FOXO1: variants seen among roughly 807,000 people sequenced by gnomAD.
FOXO1 encodes forkhead box protein O1.
Under a neutral mutation model 44.1 loss-of-function variants are expected in FOXO1, and 6 were observed. The ratio of observed to expected loss-of-function variants is 0.14; its 90% CI spans 0.07 to 0.27. The LOEUF (loss-of-function observed/expected upper bound fraction) is 0.27. Among genes scored for constraint, FOXO1 ranks in the 10% least tolerant of loss-of-function variants. The pLI, the probability that FOXO1 is intolerant of heterozygous loss-of-function variation, is 1.00. For missense variants in FOXO1, 737 were observed against 888.8 expected, an observed-to-expected ratio of 0.83 and a Z score of 2.17; for synonymous variants, 380 against 362.7, an observed-to-expected ratio of 1.05 and a Z score of -0.54.
rs1359442930 is a variant in FOXO1 at position 40,558,562 on chromosome 13, C to G, written c.*487G>C. On this transcript the variant is annotated 3_prime_UTR_variant, in exon 3 of 3. Transcript: ENST00000379561. ...TTCAGTTCTTTGTGATCCGTCAGTT[C>G]CGCAGAAAACAGGTAGTACAAACAA... 1.4e-5 allele frequency: 4 copies of G among 289,668 alleles called. No individual in the cohort carries two copies. Among genetic ancestry groups the G allele is most frequent in the Non-Finnish European group, 1.9e-5 (3 of 157,732 alleles). The allele number at this position is 289,668 out of a possible 1,614,324, so 17.9% of individuals were successfully genotyped here. A position where few individuals can be genotyped will look rare whatever the true frequency, so the allele number is the denominator to read the frequency against.
intron 1 of FOXO1, among the ~76,000 whole-genome samples, chr13:40,594,573 C>T (rs1875506606): frequency 6.6e-6 from 1 of 152,144 alleles, no homozygotes; most frequent in African/African-American, 2.4e-5. Flanking sequence ...CCTTTCTGTG[C>T]GTTCACCTCA....
chr13:40,620,375 G>T, intron 1 of FOXO1: 1 of 699,438 alleles, frequency 1.4e-6, no homozygotes, highest in Non-Finnish European at 2.6e-6. Context: ...GTTTAGAGCG[G>T]TCACGTATTC....
chr13:40,662,995 TTTC>T (rs1878084965), intron 1 of FOXO1, among the ~76,000 whole-genome samples: 1 of 152,242 alleles, frequency 6.6e-6, no homozygotes, highest in Non-Finnish European at 1.5e-5. Context: ...GCTCAGGTTG[TTTC>T]TTTTCTTCTT....
chr13:40,641,815 A>C (rs1877363114), intron 1 of FOXO1, among the ~76,000 whole-genome samples: 1 of 151,982 alleles, frequency 6.6e-6, no homozygotes, highest in Non-Finnish European at 1.5e-5. Context: ...GTAAAACCCT[A>C]TCTCCACTAA....
chr13:40,567,766 G>A (rs187457438), intron 1 of FOXO1, among the ~76,000 whole-genome samples: 140 of 152,154 alleles, frequency 9.2e-4, no homozygotes, highest in African/African-American at 3.2e-3. Context: ...TCAGGAGTTC[G>A]AGACCAGCCT....
Position 40,558,693 on chromosome 13 carries a change from A to G in FOXO1, c.*356T>C, listed in dbSNP as rs1873853435. The G allele has an allele frequency of 2.5e-6, 1 of 397,474 alleles. No individual in the cohort carries two copies. The highest frequency in any genetic ancestry group is 4.4e-5 in the Admixed American group (1 of 22,706). The allele number at this position is 397,474 out of a possible 1,614,324, so 24.6% of individuals were successfully genotyped here. A position where few individuals can be genotyped will look rare whatever the true frequency, so the allele number is the denominator to read the frequency against. ...AGAAAAACCAAAAACACACACAAAT[A>G]CAATCTGTATCTACTGCTTATATAC... is the stretch of plus-strand genomic sequence containing the variant. On this transcript the variant is annotated 3_prime_UTR_variant, in exon 3 of 3. Transcript: ENST00000379561.
At chr13:40,633,981 T>C (rs563683724) in intron 1 of FOXO1, among the ~76,000 whole-genome samples, 25 of 152,310 alleles carry the variant, frequency 1.6e-4, no homozygotes, top group African/African-American at 6.0e-4. Context: ...AATAAACTTA[T>C]GAATTACTGT....
In FOXO1 at chr13:40,569,617, T is replaced by C. The variant is rs564904022; in HGVS notation, c.631-8757A>G. On this transcript the variant is annotated intron_variant, in intron 1 of 2. Transcript: ENST00000379561. Reference sequence around the variant, plus strand: ...ATCCGTCATTTACAGAAAAATTGTGTTTTCTCCCTGTTAAGAAAATTTTAA... The same window carrying C: ...ATCCGTCATTTACAGAAAAATTGTGCTTTCTCCCTGTTAAGAAAATTTTAA... Among the ~76,000 whole-genome samples the C allele has an allele frequency of 4.6e-5, 7 of 152,268 alleles. No homozygotes were observed. In the South Asian group the frequency reaches 1.5e-3, roughly 32 times the overall value.
intron 1 of FOXO1, among the ~76,000 whole-genome samples, chr13:40,630,222 T>C (rs952500909): frequency 1.3e-5 from 2 of 152,100 alleles, no homozygotes; most frequent in Non-Finnish European, 2.9e-5. Flanking sequence ...ACTGAAACTC[T>C]TGAGAATCTC....
Position 40,619,327 on chromosome 13 carries a change from A to T in FOXO1, c.630+46256T>A, listed in dbSNP as rs192861642. 151 of 526,202 alleles carry T rather than the reference A, an allele frequency of 2.9e-4. No homozygotes were observed. The East Asian group carries it at 5.3e-3, about 18-fold the overall frequency. The allele number at this position is 526,202 out of a possible 1,614,324, so 32.6% of individuals were successfully genotyped here. On this transcript the variant is annotated intron_variant, in intron 1 of 2. Coordinates refer to ENST00000379561, the MANE Select transcript of FOXO1 (RefSeq NM_002015.4). The stretch of plus-strand genomic sequence containing the variant: ...TAAAATGAAATAAAGAAATGGAACA[A>T]ATTACAGAGACTCAGAAGTCCCCAG...
At chr13:40,565,749 A>C (rs768314683) in intron 1 of FOXO1, among the ~76,000 whole-genome samples, 6 of 152,194 alleles carry the variant, frequency 3.9e-5, no homozygotes, top group Non-Finnish European at 5.9e-5. Context: ...GGCTTACCTT[A>C]ATCTCTATTA....
At chr13:40,654,500 CA>C (rs199597846) in intron 1 of FOXO1, among the ~76,000 whole-genome samples, 57,339 of 108,342 alleles carry the variant, frequency 0.53, 12,900 homozygotes, top group East Asian at 0.75. Context: ...GACTCTGTCA[CA>C]AAAAAAAAAA....
At chr13:40,588,186 G>C (rs1875242200) in intron 1 of FOXO1, among the ~76,000 whole-genome samples, 1 of 152,122 alleles carries the variant, frequency 6.6e-6, no homozygotes, top group Admixed American at 6.5e-5. Context: ...AGGAGGATTA[G>C]GGAGTGCTCA....
intron 1 of FOXO1, among the ~76,000 whole-genome samples, chr13:40,590,951 T>C (rs1875344928): frequency 6.6e-6 from 1 of 152,126 alleles, no homozygotes; most frequent in Non-Finnish European, 1.5e-5. Flanking sequence ...TTTATCACTT[T>C]CTGGTTTCTA....
chr13:40,659,500 T>C (rs1039096345), intron 1 of FOXO1, among the ~76,000 whole-genome samples: 12 of 150,850 alleles, frequency 8.0e-5, no homozygotes, highest in African/African-American at 2.7e-4. Flanking sequence ...TGGCTTGAAA[T>C]AAAGGACACA....
rs1418865953 is a variant in FOXO1, at chr13:40,558,034, T to C, written c.*1015A>G. ...CAACCAGGGCCTGAAACGTTGAATA[T>C]GCAAGTACTAATTACAATGATTTAA... On this transcript the variant is annotated 3_prime_UTR_variant, in exon 3 of 3. Transcript: ENST00000379561. The C allele has an allele frequency of 1.3e-5, 2 of 152,678 alleles. No individual in the cohort carries two copies. Among genetic ancestry groups the C allele is most frequent in the East Asian group, 1.9e-4 (1 of 5,202 alleles). The allele number at this position is 152,678 out of a possible 1,614,324, so 9.5% of individuals were successfully genotyped here. A position where few individuals can be genotyped will look rare whatever the true frequency, so the allele number is the denominator to read the frequency against.
intron 1 of FOXO1, among the ~76,000 whole-genome samples, chr13:40,566,046 T>C (rs1874255302): frequency 6.6e-6 from 1 of 152,154 alleles, no homozygotes; most frequent in African/African-American, 2.4e-5. Context: ...CACTAGAATA[T>C]TTAAGTCTTC....
intron 1 of FOXO1, chr13:40,620,032 C>T (rs1210692787): frequency 1.2e-6 from 1 of 829,400 alleles, no homozygotes; most frequent in Non-Finnish European, 2.0e-6. Flanking sequence ...GGAAAGTAGA[C>T]CAGTACAGCA....
At chr13:40,633,464 C>T (rs1425232189) in intron 1 of FOXO1, among the ~76,000 whole-genome samples, 1 of 152,146 alleles carries the variant, frequency 6.6e-6, no homozygotes, top group Non-Finnish European at 1.5e-5. Flanking sequence ...CTGATACATG[C>T]TACCACGGGA....
Sources: gnomAD v4.1 joint callset for allele counts (sites outside exome capture counted in the v4.1 genomes callset) on GRCh38, gnomAD v4.1.1 for gene constraint, MANE v1.5 for transcripts, NCBI Gene and HGNC (gene_info 2026-07-23, HGNC 2026-07-21) for gene names.